Variants in OLFM2 observed in about 807,000 individuals in gnomAD.
OLFM2 encodes olfactomedin 2.
In OLFM2, 20 loss-of-function variants were observed where a neutral mutation model predicts 43.9. The ratio of observed to expected loss-of-function variants is 0.46; its 90% CI spans 0.32 to 0.66. The LOEUF (loss-of-function observed/expected upper bound fraction) is 0.66, where lower values mean the gene tolerates loss of function less well. Ranked by LOEUF, OLFM2 falls within the 30% of genes least tolerant of loss-of-function variation. The probability of loss-of-function intolerance (pLI) is 0.04; values close to 1 mark genes in which losing one functional copy is unlikely to be tolerated. For synonymous variants in OLFM2, 268 were observed against 278.6 expected, an observed-to-expected ratio of 0.96 and a Z score of 0.38; for missense variants, 416 against 643.6, an observed-to-expected ratio of 0.65 and a Z score of 3.83.
intron 1 of OLFM2, among the ~76,000 whole-genome samples, chr19:9,885,387 C>T (rs939156921): frequency 5.9e-5 from 9 of 152,190 alleles, no homozygotes; most frequent in South Asian, 4.1e-4. Flanking sequence ...CAGACATCCA[C>T]GCTGTGATTG....
chr19:9,912,869 GA>G (rs938026044), intron 1 of OLFM2, among the ~76,000 whole-genome samples: 2 of 151,460 alleles, frequency 1.3e-5, no homozygotes, highest in African/African-American at 4.9e-5. Flanking sequence ...GAAAAAGAGA[GA>G]AAAAAAGAGA....
intron 1 of OLFM2, among the ~76,000 whole-genome samples, chr19:9,862,106 A>G (rs1477311104): frequency 6.6e-6 from 1 of 151,910 alleles, no homozygotes; most frequent in East Asian, 1.9e-4. Flanking sequence ...ATCAAGGAAG[A>G]GAAGGAATGA....
At chr19:9,887,965 C>T (rs1001280435) in intron 1 of OLFM2, among the ~76,000 whole-genome samples, 6 of 151,552 alleles carry the variant, frequency 4.0e-5, no homozygotes, top group African/African-American at 1.2e-4. Flanking sequence ...CCTGGGAGGT[C>T]GAGGCTGTGG....
intron 1 of OLFM2, among the ~76,000 whole-genome samples, chr19:9,906,642 G>A (rs550878517): frequency 4.6e-5 from 7 of 152,176 alleles, no homozygotes; most frequent in East Asian, 3.9e-4. Context: ...TCAGAGATAC[G>A]GACTCTGAAA....
chr19:9,907,583 G>C (rs535545900), intron 1 of OLFM2, among the ~76,000 whole-genome samples: 2 of 152,256 alleles, frequency 1.3e-5, no homozygotes, highest in African/African-American at 4.8e-5. Flanking sequence ...AGCCTCTGCC[G>C]TCCAAGAATT....
At chr19:9,926,795 T>C (rs1392033142) in intron 1 of OLFM2, among the ~76,000 whole-genome samples, 1 of 151,236 alleles carries the variant, frequency 6.6e-6, no homozygotes, top group Admixed American at 6.6e-5. Context: ...GCCTGGACAA[T>C]ATAGTGAGAC....
chr19:9,924,037 T>C (rs1599503010), intron 1 of OLFM2, among the ~76,000 whole-genome samples: 1 of 138,410 alleles, frequency 7.2e-6, no homozygotes, highest in Non-Finnish European at 1.5e-5. Context: ...GAGGTGGAGG[T>C]TGCAGTGAGC....
intron 1 of OLFM2, among the ~76,000 whole-genome samples, chr19:9,934,319 G>A (rs2086502909): frequency 6.6e-6 from 1 of 152,106 alleles, no homozygotes; most frequent in African/African-American, 2.4e-5. Context: ...CCGCCCTAAC[G>A]GATTACCTCA....
At chr19:9,878,102 T>C (rs2046506917) in intron 1 of OLFM2, among the ~76,000 whole-genome samples, 1 of 152,128 alleles carries the variant, frequency 6.6e-6, no homozygotes, top group Non-Finnish European at 1.5e-5. Flanking sequence ...CCTTCCACCT[T>C]GGCTGCCTAG....
Position 9,853,755 on chromosome 19 carries a change from A to G in OLFM2, c.*431T>C, listed in dbSNP as rs1265720555. ...GGTCCTGTTTATTCCGGCAAACCGG[A>G]AAGAAAAAGTGTAAATAAAAAAAGA... On this transcript the variant is annotated 3_prime_UTR_variant, in exon 6 of 6. Coordinates refer to ENST00000264833, the MANE Select transcript of OLFM2 (RefSeq NM_058164.4). 2.4e-6 allele frequency: 1 copy of G among 415,574 alleles called. No homozygotes were observed. Among genetic ancestry groups the G allele is most frequent in the East Asian group, 3.5e-5 (1 of 28,692 alleles). 25.7% of individuals were successfully genotyped at this position (415,574 alleles called of 1,614,324 possible).
chr19:9,920,907 G>GAA (rs539333679), intron 1 of OLFM2, among the ~76,000 whole-genome samples: 3,702 of 141,708 alleles, frequency 0.026, 128 homozygotes, highest in Middle Eastern at 0.085. Flanking sequence ...ACTCCATCTT[G>GAA]AAAAAAAAAA....
intron 1 of OLFM2, among the ~76,000 whole-genome samples, chr19:9,878,395 T>C (rs2046510467): frequency 7.0e-6 from 1 of 143,472 alleles, no homozygotes; most frequent in South Asian, 2.3e-4. Context: ...TTTTTTTTTT[T>C]TTTTTTTTTT....
At chr19:9,876,350 T>C (rs948720663) in intron 1 of OLFM2, among the ~76,000 whole-genome samples, 5 of 152,128 alleles carry the variant, frequency 3.3e-5, no homozygotes, top group African/African-American at 4.8e-5. Context: ...GACACCCCTA[T>C]ACAAAATGGA....
chr19:9,913,369 G>T, intron 1 of OLFM2: 1 of 540,964 alleles, frequency 1.8e-6, no homozygotes, highest in Non-Finnish European at 2.4e-6. Flanking sequence ...AGGGTCGTGG[G>T]AAGCACAGGG....
At chr19:9,881,271 C>T (rs1482977797) in intron 1 of OLFM2, among the ~76,000 whole-genome samples, 1 of 152,168 alleles carries the variant, frequency 6.6e-6, no homozygotes, top group African/African-American at 2.4e-5. Flanking sequence ...TCATTTCATT[C>T]CAGAGAATTG....
rs59081480 is a variant in OLFM2, at chr19:9,868,069, A to ATTT, written c.64-7278_64-7276dup. ...AGGTGTGAGCCACTAAACCAGGCTA[A>ATTT]TTTTTTTTTTTGAGATGGAGTCTCC... On this transcript the variant is annotated intron_variant, in intron 1 of 5. Coordinates refer to ENST00000264833, the MANE Select transcript of OLFM2 (RefSeq NM_058164.4). Among the ~76,000 whole-genome samples, 652 of 147,230 alleles carry ATTT rather than the reference A, an allele frequency of 4.4e-3. 4 individuals are homozygous for ATTT. The highest frequency in any genetic ancestry group is 0.014 in the African/African-American group (572 of 40,046).
intron 1 of OLFM2, among the ~76,000 whole-genome samples, chr19:9,906,729 G>A (rs2046788544): frequency 6.6e-6 from 1 of 152,110 alleles, no homozygotes; most frequent in Non-Finnish European, 1.5e-5. Flanking sequence ...ACGTGCGGCT[G>A]GGCAGACAAA....
At chr19:9,899,126 G>A (rs1002660755) in intron 1 of OLFM2, among the ~76,000 whole-genome samples, 5 of 152,050 alleles carry the variant, frequency 3.3e-5, no homozygotes, top group Non-Finnish European at 5.9e-5. Context: ...TTAGACAGGC[G>A]TGGTGGCAGC....
intron 1 of OLFM2, among the ~76,000 whole-genome samples, chr19:9,903,598 C>T (rs770026194): frequency 2.6e-5 from 4 of 152,148 alleles, no homozygotes; most frequent in African/African-American, 4.8e-5. Context: ...ATTAGCATTG[C>T]GGTGAAACCT....
Sources: allele counts gnomAD v4.1 joint callset (sites outside exome capture counted in the v4.1 genomes callset), GRCh38; gene constraint gnomAD v4.1.1; transcripts MANE v1.5; gene names NCBI Gene and HGNC (gene_info 2026-07-23, HGNC 2026-07-21).